Variants in EPAS1 observed in about 807,000 individuals in gnomAD.
The protein encoded by EPAS1 is endothelial PAS domain-containing protein 1.
Under a neutral mutation model 87.9 loss-of-function variants are expected in EPAS1, and 23 were observed. The observed-to-expected ratio is 0.26, with a 90% CI of 0.19 to 0.37. The LOEUF (loss-of-function observed/expected upper bound fraction) is 0.37. Ranked by LOEUF, EPAS1 falls within the 10% of genes least tolerant of loss-of-function variation. EPAS1 has a pLI of 1.00. For synonymous variants in EPAS1, 508 were observed against 444.3 expected (o/e 1.14, Z -1.80); for missense variants, 1,138 against 1,120.7 (o/e 1.02, Z -0.22).
At position 46,384,484 on chromosome 2, in the gene EPAS1, G is replaced by A. The variant is rs776015491; in HGVS notation, c.2462-25G>A. Reference sequence around the variant, plus strand: ...CCAAATGTTCGATTTAGGCCTTTAAGTTATGGTACCAACCCTTCTTTCAGG... The same window carrying A: ...CCAAATGTTCGATTTAGGCCTTTAAATTATGGTACCAACCCTTCTTTCAGG... On this transcript the variant is annotated intron_variant, in intron 15 of 15. Transcript: ENST00000263734. 5 of 1,614,222 alleles carry A rather than the reference G, an allele frequency of 3.1e-6. No individual in the cohort carries two copies. The South Asian group carries it at 4.4e-5, about 14-fold the overall frequency.
rs796535748 is a variant in EPAS1 at position 46,300,774 on chromosome 2, C to T, written c.26+2837C>T. Among the ~76,000 whole-genome samples the T allele has an allele frequency of 5.3e-5, 8 of 152,290 alleles. No homozygotes were observed. The highest frequency in any genetic ancestry group is 4.8e-5 in the African/African-American group (2 of 41,552). ...TCCCAAAGCCAGACCTAGGTCCAGA[C>T]ACCTTCCCAGAGTGCTTATACAGTA... is the stretch of plus-strand genomic sequence containing the variant. On this transcript the variant is annotated intron_variant, in intron 1 of 15. Transcript: ENST00000263734. The surrounding 1 kb of genome is among the most constrained non-coding windows in gnomAD (Gnocchi z 4.1).
At chr2:46,363,780 C>A (rs974140915) in intron 6 of EPAS1, among the ~76,000 whole-genome samples, 1 of 152,202 alleles carries the variant, frequency 6.6e-6, no homozygotes, top group Non-Finnish European at 1.5e-5. Flanking sequence ...GCATTTTCAG[C>A]AAAATCTTGC....
chr2:46,365,114 G>C (rs1263231766), intron 6 of EPAS1, among the ~76,000 whole-genome samples: 1 of 152,198 alleles, frequency 6.6e-6, no homozygotes, highest in African/African-American at 2.4e-5. Context: ...AGCCGTCAGG[G>C]AGATAGAGGC....
intron 2 of EPAS1, among the ~76,000 whole-genome samples, chr2:46,354,199 C>T (rs1192794933): frequency 6.6e-6 from 1 of 152,224 alleles, no homozygotes; most frequent in Non-Finnish European, 1.5e-5. Flanking sequence ...CGACATTTCA[C>T]AGCATTGATG....
intron 1 of EPAS1, among the ~76,000 whole-genome samples, chr2:46,322,799 C>T (rs921923164): frequency 2.6e-5 from 4 of 152,306 alleles, no homozygotes; most frequent in Middle Eastern, 3.4e-3. Flanking sequence ...ATAGATACCA[C>T]CTGTGCTTCC....
Position 46,384,795 on chromosome 2 carries a change from C to G in EPAS1, c.*135C>G. ...GATGGACTTACCTGGCAGACTTGCC[C>G]AGGTCACCAAGCAGTGGCCTTTTTC... On this transcript the variant is annotated 3_prime_UTR_variant, in exon 16 of 16. Coordinates refer to ENST00000263734, the MANE Select transcript of EPAS1 (RefSeq NM_001430.5). 8.4e-7 allele frequency: 1 copy of G among 1,194,158 alleles called. No individual in the cohort carries two copies. The highest frequency in any genetic ancestry group is 1.2e-6 in the Non-Finnish European group (1 of 842,388). 74.0% of individuals were successfully genotyped at this position (1,194,158 alleles called of 1,614,324 possible).
intron 6 of EPAS1, among the ~76,000 whole-genome samples, chr2:46,362,929 C>T (rs981168554): frequency 1.2e-4 from 17 of 142,270 alleles, no homozygotes; most frequent in Non-Finnish European, 1.8e-4. Context: ...AACTTCGACA[C>T]AGTCACCATT....
In EPAS1 at chr2:46,319,779, A is replaced by G. The variant is rs138696738; in HGVS notation, c.26+21842A>G. Among the ~76,000 whole-genome samples the G allele has an allele frequency of 5.2e-3, 798 of 152,354 alleles. 8 individuals are homozygous for G. Among genetic ancestry groups the G allele is most frequent in the African/African-American group, 0.018 (756 of 41,580 alleles). ...AATGTTTGATTTAATCAGAAGTGATAGTATGAGGCTGGGGATGATTGCTTG... is the reference window on the plus strand; with the variant it reads ...AATGTTTGATTTAATCAGAAGTGATGGTATGAGGCTGGGGATGATTGCTTG... On this transcript the variant is annotated intron_variant, in intron 1 of 15. Coordinates refer to ENST00000263734, the MANE Select transcript of EPAS1 (RefSeq NM_001430.5).
rs546580051 is a variant in EPAS1, at chr2:46,328,497, C to G, written c.27-18376C>G. On this transcript the variant is annotated intron_variant, in intron 1 of 15. Coordinates refer to ENST00000263734, the MANE Select transcript of EPAS1 (RefSeq NM_001430.5). ...GTCACTGAGAATGGCTGCCCATCCC[C>G]CAAACAGTCAGTGATGGCCTGGTTT... Among the ~76,000 whole-genome samples, 8 of 152,332 alleles carry G rather than the reference C, an allele frequency of 5.3e-5. No individual in the cohort carries two copies. The East Asian group carries it at 1.2e-3, about 22-fold the overall frequency.
At chr2:46,362,323 G>A (rs1684410707) in intron 6 of EPAS1, among the ~76,000 whole-genome samples, 1 of 152,210 alleles carries the variant, frequency 6.6e-6, no homozygotes, top group South Asian at 2.1e-4. Context: ...TAATGGCTGT[G>A]CAAGCACTTT....
intron 1 of EPAS1, among the ~76,000 whole-genome samples, chr2:46,311,045 T>A (rs1047630633): frequency 2.0e-5 from 3 of 151,980 alleles, no homozygotes; most frequent in Admixed American, 2.0e-4. Context: ...CCCAGCTAAT[T>A]TTTTTTGTAT....
chr2:46,347,492 C>G lies in EPAS1; in HGVS notation c.217+429C>G, dbSNP rs376394411. On this transcript the variant is annotated intron_variant, in intron 2 of 15. Coordinates refer to ENST00000263734, the MANE Select transcript of EPAS1 (RefSeq NM_001430.5). The surrounding 1 kb of genome is among the most constrained non-coding windows in gnomAD (Gnocchi z 4.2). ...AAGGTGTGCCCGGATGATCTTTTCC[C>G]TCTGAGAAGCCAGTTAGGCCAAGTA... is the stretch of plus-strand genomic sequence containing the variant. 1 of 260,798 alleles carries G rather than the reference C, an allele frequency of 3.8e-6. No individual in the cohort carries two copies. The highest frequency in any genetic ancestry group is 4.9e-5 in the South Asian group (1 of 20,570). 16.2% of individuals were successfully genotyped at this position (260,798 alleles called of 1,614,324 possible).
At position 46,386,573 on chromosome 2, in the gene EPAS1, T is replaced by TAACGA. The variant is rs1268242835; in HGVS notation, c.*1914_*1918dup. 6.6e-6 allele frequency: 1 copy of TAACGA among 152,654 alleles called. No homozygotes were observed. Among genetic ancestry groups the TAACGA allele is most frequent in the Non-Finnish European group, 1.5e-5 (1 of 68,046 alleles). The allele number at this position is 152,654 out of a possible 1,614,324, so 9.5% of individuals were successfully genotyped here. ...TTCATATTAACCCTACCTGTCAACGTAACGATTTCATGAACGTTATTATAT... is the reference window on the plus strand; with the variant it reads ...TTCATATTAACCCTACCTGTCAACGTAACGAAACGATTTCATGAACGTTATTATAT... On this transcript the variant is annotated 3_prime_UTR_variant, in exon 16 of 16. Transcript: ENST00000263734.
chr2:46,352,987 A>G (rs561152826), intron 2 of EPAS1, among the ~76,000 whole-genome samples: 2 of 152,326 alleles, frequency 1.3e-5, no homozygotes, highest in Admixed American at 6.5e-5. Flanking sequence ...AAGCAGGACT[A>G]TTTCCTCTGG....
chr2:46,326,134 A>C (rs994519625), intron 1 of EPAS1, among the ~76,000 whole-genome samples: 3 of 152,204 alleles, frequency 2.0e-5, no homozygotes, highest in Non-Finnish European at 4.4e-5. Context: ...GGGATAGCCT[A>C]GTTCTCCCTC....
chr2:46,359,496 TG>T (rs548819993), intron 4 of EPAS1, among the ~76,000 whole-genome samples: 61 of 152,254 alleles, frequency 4.0e-4, no homozygotes, highest in Non-Finnish European at 7.8e-4. Context: ...TAATTTGGTA[TG>T]GGAGAAATGG....
intron 1 of EPAS1, among the ~76,000 whole-genome samples, chr2:46,303,208 A>G (rs778580803): frequency 6.6e-6 from 1 of 152,204 alleles, no homozygotes; most frequent in East Asian, 1.9e-4. Flanking sequence ...CAACACACAC[A>G]TAAGCACACA....
intron 2 of EPAS1, among the ~76,000 whole-genome samples, chr2:46,354,023 G>C (rs1056194050): frequency 8.5e-5 from 13 of 152,272 alleles, no homozygotes; most frequent in Non-Finnish European, 1.6e-4. Flanking sequence ...TGTCCTGAAA[G>C]ATAGCTGGTC....
intron 1 of EPAS1, among the ~76,000 whole-genome samples, chr2:46,318,067 A>T (rs1056047102): frequency 2.0e-5 from 3 of 152,038 alleles, no homozygotes; most frequent in African/African-American, 7.3e-5. Flanking sequence ...GAGAGATGTG[A>T]CTCTTCCTTT....
Sources: allele counts gnomAD v4.1 joint callset (sites outside exome capture counted in the v4.1 genomes callset), GRCh38; gene constraint gnomAD v4.1.1; non-coding constraint Gnocchi (gnomAD v3.1); transcripts MANE v1.5; gene names NCBI Gene and HGNC (gene_info 2026-07-23, HGNC 2026-07-21).